Variants in SLC6A11 observed in about 807,000 individuals in gnomAD.
The protein encoded by SLC6A11 is solute carrier family 6 member 11.
SLC6A11 carries 25 observed loss-of-function variants against 74.8 expected under a neutral mutation model. The ratio of observed to expected loss-of-function variants is 0.33; its 90% CI spans 0.24 to 0.47. SLC6A11 has a LOEUF of 0.47. Among genes scored for constraint, SLC6A11 ranks in the 20% least tolerant of loss-of-function variants. SLC6A11 has a pLI of 1.00. For missense variants in SLC6A11, 574 were observed against 837.0 expected, an observed-to-expected ratio of 0.69 and a Z score of 3.88; for synonymous variants, 330 against 330.2, an observed-to-expected ratio of 1.00 and a Z score of 0.01.
At chr3:10,903,605 A>G (rs979044326) in intron 6 of SLC6A11, among the ~76,000 whole-genome samples, 2 of 152,200 alleles carry the variant, frequency 1.3e-5, no homozygotes, top group African/African-American at 2.4e-5. Flanking sequence ...CACTAAATGC[A>G]TGCTTATGGT....
intron 5 of SLC6A11, among the ~76,000 whole-genome samples, chr3:10,859,363 GA>G: frequency 6.6e-6 from 1 of 152,298 alleles, no homozygotes; most frequent in Middle Eastern, 3.4e-3. Context: ...GCGAAATGGA[GA>G]AATATGGTAG....
At chr3:10,933,364 T>C (rs1473348166) in intron 11 of SLC6A11, 111 bp downstream of exon 11, 1 of 736,540 alleles carries the variant, frequency 1.4e-6, no homozygotes, top group Non-Finnish European at 2.4e-6. Flanking sequence ...TGGTCTATAC[T>C]GGCCTCTTCT....
intron 6 of SLC6A11, among the ~76,000 whole-genome samples, chr3:10,908,586 G>A (rs879683463): frequency 3.3e-5 from 5 of 152,032 alleles, no homozygotes; most frequent in Non-Finnish European, 7.4e-5. Flanking sequence ...CCTCCTCCAG[G>A]CAGCCTTCTC....
chr3:10,894,274 T>C (rs1286441813), intron 6 of SLC6A11, among the ~76,000 whole-genome samples: 2 of 152,118 alleles, frequency 1.3e-5, no homozygotes, highest in Non-Finnish European at 2.9e-5. Flanking sequence ...CAGATGAGCA[T>C]AGGAGAGGCA....
intron 4 of SLC6A11, among the ~76,000 whole-genome samples, chr3:10,828,061 C>T (rs146440266): frequency 3.3e-5 from 5 of 152,284 alleles, no homozygotes; most frequent in African/African-American, 9.6e-5. Flanking sequence ...GTGCATTTAT[C>T]TAAATGTGTC....
intron 5 of SLC6A11, among the ~76,000 whole-genome samples, chr3:10,859,735 C>T (rs1346328257): frequency 6.6e-6 from 1 of 152,114 alleles, no homozygotes; most frequent in Non-Finnish European, 1.5e-5. Context: ...AATGAGAAAC[C>T]TCTAATATGC....
intron 4 of SLC6A11, among the ~76,000 whole-genome samples, chr3:10,842,817 A>G (rs1694455023): frequency 6.6e-6 from 1 of 152,144 alleles, no homozygotes; most frequent in Non-Finnish European, 1.5e-5. Flanking sequence ...ATGGCTGCAC[A>G]CAGTCTGATT....
chr3:10,879,936 C>T (rs2106608545), intron 6 of SLC6A11, among the ~76,000 whole-genome samples: 1 of 152,186 alleles, frequency 6.6e-6, no homozygotes, highest in East Asian at 1.9e-4. Context: ...TACATACATA[C>T]ACATATATGT....
chr3:10,871,762 G>C (rs1694830809), intron 5 of SLC6A11, among the ~76,000 whole-genome samples: 6 of 150,216 alleles, frequency 4.0e-5, no homozygotes, highest in Admixed American at 2.7e-4. Flanking sequence ...ACCTTTTCTG[G>C]ATTACATTGC....
At chr3:10,912,997 C>T (rs1695407969) in intron 7 of SLC6A11, among the ~76,000 whole-genome samples, 2 of 151,246 alleles carry the variant, frequency 1.3e-5, no homozygotes, top group Non-Finnish European at 2.9e-5. Flanking sequence ...ACCATGGAAT[C>T]ATGACAGTGC....
At chr3:10,912,297 A>T in intron 7 of SLC6A11, 104 bp downstream of exon 7, 3 of 794,838 alleles carry the variant, frequency 3.8e-6, no homozygotes, top group Non-Finnish European at 6.6e-6. Context: ...GGGCCCCAGG[A>T]GGAGATAGAT....
At chr3:10,865,549 G>A (rs1294562579) in intron 5 of SLC6A11, among the ~76,000 whole-genome samples, 1 of 152,212 alleles carries the variant, frequency 6.6e-6, no homozygotes. Context: ...TGTAGTCCCA[G>A]CTACTTGGGA....
intron 6 of SLC6A11, among the ~76,000 whole-genome samples, chr3:10,892,245 G>A (rs531507762): frequency 1.2e-3 from 178 of 152,348 alleles, no homozygotes; most frequent in South Asian, 3.1e-3. Flanking sequence ...CAAGCCAAGC[G>A]CTGGAAAGCC....
chr3:10,858,961 G>A (rs563584861), intron 5 of SLC6A11, among the ~76,000 whole-genome samples: 20 of 152,300 alleles, frequency 1.3e-4, no homozygotes, highest in East Asian at 9.6e-4. Context: ...GGCAGCCCTC[G>A]AGGGTATATG....
intron 6 of SLC6A11, among the ~76,000 whole-genome samples, chr3:10,879,385 A>G (rs1204431266): frequency 1.3e-5 from 2 of 152,212 alleles, no homozygotes; most frequent in African/African-American, 4.8e-5. Context: ...GGTATGCTGC[A>G]GGAAGAAGCC....
chr3:10,816,478 C>G lies in SLC6A11; in HGVS notation c.213C>G (p.Gly71=). The change falls in exon 1 of 14, where the codon GGC becomes GGG. Residue 71 remains glycine, a synonymous_variant. Coordinates refer to ENST00000254488, the MANE Select transcript of SLC6A11 (RefSeq NM_014229.3). This position sits in a 1 kb window ranked among gnomAD's most constrained non-coding sequence, Gnocchi z 4.2. ...LSVAGEIIGL[G]NVWRFPYLCY... ...TGGCCGGGGAGATCATTGGGCTGGG[C>G]AACGTGTGGCGCTTCCCCTACCTGT... is the stretch of plus-strand genomic sequence containing the variant. The G allele has an allele frequency of 1.9e-6, 3 of 1,604,814 alleles. No homozygotes were observed. Among genetic ancestry groups the G allele is most frequent in the Non-Finnish European group, 2.6e-6 (3 of 1,176,020 alleles).
intron 11 of SLC6A11, 66 bp downstream of exon 11, chr3:10,933,319 G>A (rs568823220): frequency 2.3e-5 from 26 of 1,111,236 alleles, no homozygotes; most frequent in Admixed American, 1.7e-4. Flanking sequence ...CTGGTGCTTG[G>A]ACTCTGGTTG....
intron 10 of SLC6A11, 40 bp from the exon 11 acceptor site, chr3:10,933,111 C>T (rs766496279): frequency 5.5e-6 from 8 of 1,452,494 alleles, no homozygotes; most frequent in South Asian, 1.1e-5. Context: ...CCCGTGTGTC[C>T]GTTCACCTCC....
intron 6 of SLC6A11, among the ~76,000 whole-genome samples, chr3:10,877,611 G>A (rs934516141): frequency 3.9e-5 from 6 of 152,220 alleles, no homozygotes; most frequent in African/African-American, 1.4e-4. Flanking sequence ...AAACACAGGT[G>A]TTCACCAGAA....
Sources: allele counts gnomAD v4.1 joint callset (sites outside exome capture counted in the v4.1 genomes callset), GRCh38; gene constraint gnomAD v4.1.1; non-coding constraint Gnocchi (gnomAD v3.1); transcripts MANE v1.5; gene names NCBI Gene and HGNC (gene_info 2026-07-23, HGNC 2026-07-21).